Variants in ARHGAP12 observed in about 807,000 individuals in gnomAD.
The protein encoded by ARHGAP12 is Rho GTPase activating protein 12, also known as rho GTPase-activating protein 12.
ARHGAP12 carries 64 observed loss-of-function variants against 108.6 expected under a neutral mutation model. The observed-to-expected ratio is 0.59, with a 90% CI of 0.48 to 0.73. The LOEUF is 0.73. Ranked by LOEUF, ARHGAP12 falls within the 30% of genes least tolerant of loss-of-function variation. ARHGAP12 has a pLI of 0.00. For missense variants in ARHGAP12, 940 were observed against 1,005.9 expected, an observed-to-expected ratio of 0.93 and a Z score of 0.89; for synonymous variants, 312 against 337.2, an observed-to-expected ratio of 0.93 and a Z score of 0.82.
At chr10:31,906,586 G>A (rs370164274) in intron 3 of ARHGAP12, among the ~76,000 whole-genome samples, 39 of 152,250 alleles carry the variant, frequency 2.6e-4, no homozygotes, top group African/African-American at 9.1e-4. Flanking sequence ...GAGAGCAGGG[G>A]AAAATAAGTG....
intron 3 of ARHGAP12, among the ~76,000 whole-genome samples, chr10:31,877,395 C>T (rs1014823059): frequency 6.6e-6 from 1 of 152,076 alleles, no homozygotes; most frequent in Non-Finnish European, 1.5e-5. Context: ...TTCTAATTAC[C>T]TATAGTTTCT....
chr10:31,862,833 C>T, intron 3 of ARHGAP12, among the ~76,000 whole-genome samples: 1 of 152,148 alleles, frequency 6.6e-6, no homozygotes. Flanking sequence ...TGAGGAACCA[C>T]TGCTTTTCCC....
At chr10:31,862,936 T>C (rs1837184729) in intron 3 of ARHGAP12, among the ~76,000 whole-genome samples, 2 of 152,194 alleles carry the variant, frequency 1.3e-5, no homozygotes, top group Admixed American at 6.5e-5. Flanking sequence ...TTGAAAAGAA[T>C]ACTGAATGGA....
At chr10:31,881,371 C>T (rs1469630539) in intron 3 of ARHGAP12, among the ~76,000 whole-genome samples, 1 of 151,976 alleles carries the variant, frequency 6.6e-6, no homozygotes, top group Non-Finnish European at 1.5e-5. Context: ...ACACGGAACA[C>T]ACACAAAAAA....
At chr10:31,920,465 A>AG (rs1839753028) in intron 1 of ARHGAP12, among the ~76,000 whole-genome samples, 1 of 151,050 alleles carries the variant, frequency 6.6e-6, no homozygotes, top group Non-Finnish European at 1.5e-5. Flanking sequence ...AAAAAAAAAA[A>AG]AAAAAAGAAA....
intron 3 of ARHGAP12, among the ~76,000 whole-genome samples, chr10:31,884,517 A>C (rs568739812): frequency 1.3e-5 from 2 of 152,262 alleles, no homozygotes; most frequent in South Asian, 4.1e-4. Context: ...CTTCTCAGAC[A>C]CTCCACCAAA....
chr10:31,887,555 T>C (rs531960915), intron 3 of ARHGAP12, among the ~76,000 whole-genome samples: 2 of 152,166 alleles, frequency 1.3e-5, no homozygotes, highest in African/African-American at 2.4e-5. Flanking sequence ...CAAAGATCAA[T>C]AGGACACAAT....
At chr10:31,808,402 A>G (rs1834898465) in intron 19 of ARHGAP12, 1 of 286,802 alleles carries the variant, frequency 3.5e-6, no homozygotes, top group South Asian at 7.3e-5. Context: ...CAATTTCTGA[A>G]CACCTACTAT....
chr10:31,892,416 A>G (rs904920527), intron 3 of ARHGAP12, among the ~76,000 whole-genome samples: 1 of 152,224 alleles, frequency 6.6e-6, no homozygotes, highest in African/African-American at 2.4e-5. Context: ...ATGGAGGAAG[A>G]TCTACCAAGC....
chr10:31,827,237 T>G (rs1403848750), intron 10 of ARHGAP12, among the ~76,000 whole-genome samples: 1 of 152,194 alleles, frequency 6.6e-6, no homozygotes, highest in Non-Finnish European at 1.5e-5. Context: ...ATTAGAGATT[T>G]TTATGTAAAT....
chr10:31,853,138 T>C (rs1836762494), intron 5 of ARHGAP12, among the ~76,000 whole-genome samples: 3 of 152,182 alleles, frequency 2.0e-5, no homozygotes, highest in African/African-American at 4.8e-5. Context: ...TATCCTCCAA[T>C]GTCTGGCTAG....
At chr10:31,853,279 G>A (rs1298770536) in intron 5 of ARHGAP12, among the ~76,000 whole-genome samples, 1 of 152,118 alleles carries the variant, frequency 6.6e-6, no homozygotes, top group Non-Finnish European at 1.5e-5. Flanking sequence ...TCAATTAAAT[G>A]TACAACTAAA....
At chr10:31,916,415 A>AT (rs967264106) in intron 1 of ARHGAP12, among the ~76,000 whole-genome samples, 4 of 151,904 alleles carry the variant, frequency 2.6e-5, no homozygotes, top group Non-Finnish European at 5.9e-5. Context: ...CTATCACGCT[A>AT]TTTTTTAATC....
intron 3 of ARHGAP12, among the ~76,000 whole-genome samples, chr10:31,905,232 T>C (rs768012377): frequency 2.0e-5 from 3 of 152,228 alleles, no homozygotes; most frequent in Admixed American, 6.5e-5. Context: ...GTGATAATTG[T>C]ATAAATTATG....
At chr10:31,896,304 C>G (rs1355568569) in intron 3 of ARHGAP12, among the ~76,000 whole-genome samples, 3 of 132,264 alleles carry the variant, frequency 2.3e-5, no homozygotes, top group Admixed American at 7.4e-5. Flanking sequence ...ACTTTTTTTA[C>G]TTTGAAAAAA....
intron 3 of ARHGAP12, among the ~76,000 whole-genome samples, chr10:31,883,712 ACTT>A: frequency 6.8e-6 from 1 of 147,506 alleles, no homozygotes; most frequent in South Asian, 2.1e-4. Context: ...CATGTAAAAT[ACTT>A]TTTTTTTTTT....
chr10:31,867,088 T>C (rs1350309529), intron 3 of ARHGAP12, among the ~76,000 whole-genome samples: 3 of 151,776 alleles, frequency 2.0e-5, no homozygotes, highest in Non-Finnish European at 4.4e-5. Flanking sequence ...TAGTTTCTAG[T>C]AGAAATAAGA....
At chr10:31,928,180 A>G (rs867298962) in intron 1 of ARHGAP12, among the ~76,000 whole-genome samples, 178 of 151,008 alleles carry the variant, frequency 1.2e-3, no homozygotes, top group African/African-American at 1.9e-3. Context: ...TTGCGCACAC[A>G]CACACACACA....
intron 3 of ARHGAP12, among the ~76,000 whole-genome samples, chr10:31,862,729 C>G (rs1008771164): frequency 3.3e-5 from 5 of 150,820 alleles, no homozygotes; most frequent in African/African-American, 7.3e-5. Flanking sequence ...CACACACACA[C>G]ACACACACAC....
Sources: allele counts gnomAD v4.1 joint callset (sites outside exome capture counted in the v4.1 genomes callset), GRCh38; gene constraint gnomAD v4.1.1; transcripts MANE v1.5; gene names NCBI Gene and HGNC (gene_info 2026-07-23, HGNC 2026-07-21).